Variants in KCND3 observed in about 807,000 individuals in gnomAD.
The protein encoded by KCND3 is A-type voltage-gated potassium channel KCND3.
In KCND3, 9 loss-of-function variants were observed where a neutral mutation model predicts 51.1. The ratio of observed to expected loss-of-function variants is 0.18; its 90% CI spans 0.11 to 0.31. The LOEUF (loss-of-function observed/expected upper bound fraction) is 0.31, where lower values mean the gene tolerates loss of function less well. Among genes scored for constraint, KCND3 ranks in the 10% least tolerant of loss-of-function variants. KCND3 has a pLI of 1.00. For missense variants in KCND3, 526 were observed against 903.8 expected (o/e 0.58, Z 5.36); for synonymous variants, 349 against 368.0 (o/e 0.95, Z 0.59).
intron 2 of KCND3, among the ~76,000 whole-genome samples, chr1:111,857,086 C>T (rs953135773): frequency 6.6e-6 from 1 of 152,238 alleles, no homozygotes; most frequent in African/African-American, 2.4e-5. Flanking sequence ...TTCCTGGACA[C>T]TCGTCATGCG....
chr1:111,837,981 C>T (rs1667142374), intron 2 of KCND3, among the ~76,000 whole-genome samples: 1 of 152,140 alleles, frequency 6.6e-6, no homozygotes, highest in African/African-American at 2.4e-5. Flanking sequence ...CTCATCATGT[C>T]ATACCGAGGG....
intron 2 of KCND3, among the ~76,000 whole-genome samples, chr1:111,971,764 T>C (rs1035722943): frequency 6.6e-6 from 1 of 152,178 alleles, no homozygotes; most frequent in Non-Finnish European, 1.5e-5. Context: ...TGACAACCTG[T>C]TCCTTCTCTA....
intron 2 of KCND3, among the ~76,000 whole-genome samples, chr1:111,965,469 C>CACACACACACACACAA (rs1246733692): frequency 6.7e-6 from 1 of 149,832 alleles, no homozygotes; most frequent in African/African-American, 2.4e-5. Flanking sequence ...CACACACACA[C>CACACACACACACACAA]ACACACACAC....
chr1:111,789,961 A>G (rs890481791), intron 2 of KCND3, among the ~76,000 whole-genome samples: 2 of 152,200 alleles, frequency 1.3e-5, no homozygotes, highest in African/African-American at 4.8e-5. Flanking sequence ...GCACTTCTCA[A>G]AGATTACCAA....
Position 111,982,968 on chromosome 1 carries a change from GACACTGGGAGA to G in KCND3, c.-72-181_-72-171del, listed in dbSNP as rs1260287729. ...AGGGGACTTGATTCTTTGCCATCCA[GACACTGGGAGA>G]ACACCTAGCTCCTGGAGCTCGGCAG... On this transcript the variant is annotated intron_variant, in intron 1 of 7. Transcript: ENST00000302127. The surrounding 1 kb of genome is among the most constrained non-coding windows in gnomAD (Gnocchi z 8.5). Among the ~76,000 whole-genome samples, 2 of 152,170 alleles carry G rather than the reference GACACTGGGAGA, an allele frequency of 1.3e-5. No homozygotes were observed. Among genetic ancestry groups the G allele is most frequent in the African/African-American group, 2.4e-5 (1 of 41,454 alleles).
chr1:111,982,304 C>T lies in KCND3; in HGVS notation c.423G>A (p.Arg141=), dbSNP rs770433294. 1 of 1,614,122 alleles carries T rather than the reference C, an allele frequency of 6.2e-7. No homozygotes were observed. Among genetic ancestry groups the T allele is most frequent in the East Asian group, 2.2e-5 (1 of 44,850 alleles). ...CGTCCATGAGCCGCTCGGCGTTCTC[C>T]CTCTTGCGGTCCTTGTACTCCTCGT... ...CCYEEYKDRK[R]ENAERLMDDN... Residue 141 remains arginine, a synonymous_variant, in exon 2 of 8, where the codon AGG becomes AGA. Transcript: ENST00000302127. This position sits in a 1 kb window ranked among gnomAD's most constrained non-coding sequence, Gnocchi z 8.5.
chr1:111,904,678 C>T (rs183552567), intron 2 of KCND3, among the ~76,000 whole-genome samples: 1 of 152,312 alleles, frequency 6.6e-6, no homozygotes, highest in Admixed American at 6.5e-5. Context: ...AGGCGAGAAT[C>T]GATGCTACGC....
intron 2 of KCND3, among the ~76,000 whole-genome samples, chr1:111,865,258 CA>C (rs1249736486): frequency 6.6e-6 from 1 of 152,252 alleles, no homozygotes; most frequent in Non-Finnish European, 1.5e-5. Context: ...CTTCCTAACA[CA>C]AGAATTCACA....
chr1:111,801,380 G>C (rs958530515), intron 2 of KCND3, among the ~76,000 whole-genome samples: 2 of 152,226 alleles, frequency 1.3e-5, no homozygotes, highest in Non-Finnish European at 2.9e-5. Flanking sequence ...AGAGGTGACA[G>C]GGAGCTAGGA....
intron 2 of KCND3, among the ~76,000 whole-genome samples, chr1:111,945,212 C>T (rs1808973): frequency 0.55 from 84,132 of 152,032 alleles, 23,525 homozygotes; most frequent in African/African-American, 0.61. Context: ...GAGCAGAATG[C>T]CACCACTTGC....
chr1:111,927,202 A>T (rs1671742942), intron 2 of KCND3, among the ~76,000 whole-genome samples: 1 of 152,142 alleles, frequency 6.6e-6, no homozygotes, highest in African/African-American at 2.4e-5. Context: ...CAGATTTAGG[A>T]CCAACGAGAT....
chr1:111,844,081 G>A (rs1315304955), intron 2 of KCND3, among the ~76,000 whole-genome samples: 5 of 152,242 alleles, frequency 3.3e-5, no homozygotes, highest in Non-Finnish European at 5.9e-5. Context: ...AGCAGGAAAC[G>A]CAGGTTCAGG....
intron 2 of KCND3, among the ~76,000 whole-genome samples, chr1:111,945,142 G>A (rs1672717700): frequency 6.6e-6 from 1 of 152,222 alleles, no homozygotes; most frequent in South Asian, 2.1e-4. Context: ...GCAGAAGTCA[G>A]CGAGAAGGAG....
At chr1:111,784,435 C>A (rs1049421641) in intron 3 of KCND3, among the ~76,000 whole-genome samples, 3 of 152,176 alleles carry the variant, frequency 2.0e-5, no homozygotes, top group Non-Finnish European at 4.4e-5. Flanking sequence ...CACTGCCAGA[C>A]CCTTATCTCC....
intron 2 of KCND3, among the ~76,000 whole-genome samples, chr1:111,929,287 A>G (rs1373930513): frequency 6.6e-6 from 1 of 152,114 alleles, no homozygotes; most frequent in East Asian, 1.9e-4. Flanking sequence ...TTCTCTATTG[A>G]GCACCACTGG....
At chr1:111,968,580 G>A (rs1404229412) in intron 2 of KCND3, among the ~76,000 whole-genome samples, 1 of 152,198 alleles carries the variant, frequency 6.6e-6, no homozygotes, top group African/African-American at 2.4e-5. Context: ...ACACCCAGGG[G>A]TGACATCTCC....
intron 2 of KCND3, among the ~76,000 whole-genome samples, chr1:111,794,786 G>A (rs933756473): frequency 2.0e-5 from 3 of 152,214 alleles, no homozygotes; most frequent in African/African-American, 7.2e-5. Flanking sequence ...CACCTGTGCA[G>A]CCTCTTTTCA....
At chr1:111,928,676 G>T (rs1671824130) in intron 2 of KCND3, among the ~76,000 whole-genome samples, 1 of 152,214 alleles carries the variant, frequency 6.6e-6, no homozygotes, top group Admixed American at 6.5e-5. Flanking sequence ...CGAAGAAGCT[G>T]CTGTGAAGGC....
At chr1:111,903,534 G>A (rs1670492808) in intron 2 of KCND3, among the ~76,000 whole-genome samples, 1 of 152,238 alleles carries the variant, frequency 6.6e-6, no homozygotes, top group African/African-American at 2.4e-5. Flanking sequence ...TCTGATCTCT[G>A]AATCTGCTCA....
Sources: gnomAD v4.1 joint callset for allele counts (sites outside exome capture counted in the v4.1 genomes callset) on GRCh38, gnomAD v4.1.1 for gene constraint, Gnocchi (gnomAD v3.1) non-coding constraint, MANE v1.5 for transcripts, NCBI Gene and HGNC (gene_info 2026-07-23, HGNC 2026-07-21) for gene names.